The following PDLIM5 variants were observed in gnomAD, a reference collection of about 807,000 sequenced individuals.
The protein encoded by PDLIM5 is PDZ and LIM domain 5.
A neutral mutation model predicts 64.2 loss-of-function variants in PDLIM5; 34 were observed. That is an observed-to-expected ratio of 0.53 (90% confidence interval 0.40 to 0.71). The LOEUF is 0.71. Ranked by LOEUF, PDLIM5 falls within the 30% of genes least tolerant of loss-of-function variation. The pLI is 0.00. For missense variants in PDLIM5, 683 were observed against 733.6 expected (o/e 0.93, Z 0.80); for synonymous variants, 253 against 269.1 (o/e 0.94, Z 0.59).
chr4:94,476,765 T>A (rs1377294442), intron 2 of PDLIM5, among the ~76,000 whole-genome samples: 1 of 152,210 alleles, frequency 6.6e-6, no homozygotes, highest in African/African-American at 2.4e-5. Flanking sequence ...GTTTGGACTC[T>A]GGAGCCAGCC....
intron 3 of PDLIM5, among the ~76,000 whole-genome samples, chr4:94,524,215 A>C (rs1361311845): frequency 6.6e-6 from 1 of 151,918 alleles, no homozygotes; most frequent in Non-Finnish European, 1.5e-5. Flanking sequence ...CAAAACATAA[A>C]AAAATTAGCC....
chr4:94,478,898 T>TTTTC (rs1354424558), intron 2 of PDLIM5, among the ~76,000 whole-genome samples: 8 of 138,834 alleles, frequency 5.8e-5, no homozygotes, highest in Middle Eastern at 3.9e-3. Flanking sequence ...GTGTTTTTTT[T>TTTTC]TTTTTTTTTT....
intron 2 of PDLIM5, among the ~76,000 whole-genome samples, chr4:94,501,927 A>G (rs1404595223): frequency 2.0e-5 from 3 of 152,238 alleles, no homozygotes; most frequent in African/African-American, 7.2e-5. Context: ...GGATGAGCCT[A>G]CTAATGGGGT....
chr4:94,470,103 A>G (rs1724728974), intron 2 of PDLIM5, among the ~76,000 whole-genome samples: 1 of 150,992 alleles, frequency 6.6e-6, no homozygotes, highest in African/African-American at 2.4e-5. Context: ...AGTAGCCGGG[A>G]GTACAGGCAC....
chr4:94,582,908 G>T, intron 5 of PDLIM5: 1 of 570,048 alleles, frequency 1.8e-6, no homozygotes. Context: ...TGCATCAGAG[G>T]TATGTTTAGA....
At chr4:94,527,213 C>T (rs751577087) in intron 3 of PDLIM5, among the ~76,000 whole-genome samples, 5 of 151,722 alleles carry the variant, frequency 3.3e-5, no homozygotes, top group East Asian at 1.9e-4. Context: ...CGCATCACCA[C>T]GCCCAGCTAA....
intron 7 of PDLIM5, among the ~76,000 whole-genome samples, chr4:94,616,162 C>T (rs1033626502): frequency 5.9e-5 from 9 of 151,812 alleles, no homozygotes; most frequent in Non-Finnish European, 7.4e-5. Context: ...TTCTTAGAAC[C>T]GTGATTATAT....
At chr4:94,484,038 A>G (rs72876215) in intron 2 of PDLIM5, among the ~76,000 whole-genome samples, 1 of 152,190 alleles carries the variant, frequency 6.6e-6, no homozygotes, top group Non-Finnish European at 1.5e-5. Flanking sequence ...CGTTTCCTGC[A>G]TGTCTCCAGA....
At chr4:94,657,964 G>A (rs1021433580) in intron 11 of PDLIM5, among the ~76,000 whole-genome samples, 9 of 152,284 alleles carry the variant, frequency 5.9e-5, no homozygotes, top group East Asian at 5.8e-4. Context: ...CCAAAGTGCC[G>A]GGATTACAGG....
intron 7 of PDLIM5, chr4:94,610,240 T>C (rs1434147311): frequency 6.6e-7 from 1 of 1,518,474 alleles, no homozygotes; most frequent in Non-Finnish European, 8.8e-7. Flanking sequence ...TCCTGCTAGA[T>C]ATAGTGCTGC....
chr4:94,570,365 G>A (rs17021818), intron 3 of PDLIM5, among the ~76,000 whole-genome samples: 9,721 of 152,182 alleles, frequency 0.064, 469 homozygotes, highest in African/African-American at 0.13. Flanking sequence ...GTACGTATTA[G>A]TTCCTATAGT....
chr4:94,621,452 A>T (rs905201802), intron 8 of PDLIM5, among the ~76,000 whole-genome samples: 1 of 152,290 alleles, frequency 6.6e-6, no homozygotes, highest in African/African-American at 2.4e-5. Context: ...GAAAAATGCT[A>T]TTGGTATGGT....
intron 5 of PDLIM5, chr4:94,579,282 A>G: frequency 3.6e-6 from 1 of 281,308 alleles, no homozygotes; most frequent in Non-Finnish European, 6.7e-6. Flanking sequence ...AACTGGAAGG[A>G]TTGCTGTTTT....
chr4:94,492,015 T>TTTTGACCAGTAAC (rs1726922777), intron 2 of PDLIM5, among the ~76,000 whole-genome samples: 1 of 151,916 alleles, frequency 6.6e-6, no homozygotes, highest in Non-Finnish European at 1.5e-5. Context: ...TGTCTGAAAC[T>TTTTGACCAGTAAC]TTGTATCTTT....
At position 94,665,502 on chromosome 4, in the gene PDLIM5, A is replaced by T; in HGVS notation, c.*1435A>T. ...CTCTTAAAAAAAAAAAAAAAAAAAA[A>T]AAAAGAGAGAGAGAGAATAAATAGA... On this transcript the variant is annotated 3_prime_UTR_variant, in exon 13 of 13. Coordinates refer to ENST00000317968, the MANE Select transcript of PDLIM5 (RefSeq NM_006457.5). The T allele has an allele frequency of 1.3e-6, 1 of 789,094 alleles. No homozygotes were observed. The highest frequency in any genetic ancestry group is 1.5e-6 in the Non-Finnish European group (1 of 652,952). 48.9% of individuals were successfully genotyped at this position (789,094 alleles called of 1,614,324 possible).
chr4:94,500,287 A>G (rs984183843), intron 2 of PDLIM5, among the ~76,000 whole-genome samples: 1 of 152,138 alleles, frequency 6.6e-6, no homozygotes, highest in Non-Finnish European at 1.5e-5. Context: ...AGCAAAAGCA[A>G]CCCCTTTCAG....
intron 8 of PDLIM5, among the ~76,000 whole-genome samples, chr4:94,633,098 A>T (rs7674144): frequency 0.3 from 46,083 of 152,078 alleles, 7,253 homozygotes; most frequent in Non-Finnish European, 0.35. Context: ...TTATGTTTTT[A>T]AAAAGAGTAC....
At chr4:94,569,654 C>A (rs1271232585) in intron 3 of PDLIM5, among the ~76,000 whole-genome samples, 1 of 152,064 alleles carries the variant, frequency 6.6e-6, no homozygotes, top group Non-Finnish European at 1.5e-5. Context: ...AGTTTCTCAT[C>A]TGTAAAATGA....
intron 2 of PDLIM5, among the ~76,000 whole-genome samples, chr4:94,515,930 C>G (rs1045923481): frequency 6.6e-6 from 1 of 152,162 alleles, no homozygotes; most frequent in Non-Finnish European, 1.5e-5. Flanking sequence ...GTTCTTTTTA[C>G]AGACTATCAT....
Sources: allele counts gnomAD v4.1 joint callset (sites outside exome capture counted in the v4.1 genomes callset), GRCh38; gene constraint gnomAD v4.1.1; transcripts MANE v1.5; gene names NCBI Gene and HGNC (gene_info 2026-07-23, HGNC 2026-07-21).